CCM2: variants seen among roughly 807,000 people sequenced by gnomAD.
The protein encoded by CCM2 is CCM2 scaffold protein.
Under a neutral mutation model 44.9 loss-of-function variants are expected in CCM2, and 25 were observed. The observed-to-expected ratio is 0.56, with a 90% CI of 0.41 to 0.78. The LOEUF is 0.78. CCM2 is among the 30% of genes least tolerant of loss of function. The probability of loss-of-function intolerance (pLI) is 0.00; values close to 1 mark genes in which losing one functional copy is unlikely to be tolerated. For missense variants in CCM2, 481 were observed against 580.6 expected, an observed-to-expected ratio of 0.83 and a Z score of 1.76; for synonymous variants, 219 against 241.1, an observed-to-expected ratio of 0.91 and a Z score of 0.85.
At chr7:45,070,563 G>A (rs1583985656) in intron 6 of CCM2, 1 of 399,474 alleles carries the variant, frequency 2.5e-6, no homozygotes, top group East Asian at 7.9e-5. Context: ...TCATCAGCAA[G>A]CTCACTTGAG....
At chr7:45,010,872 T>C (rs911187526) in intron 1 of CCM2, among the ~76,000 whole-genome samples, 4 of 152,160 alleles carry the variant, frequency 2.6e-5, no homozygotes, top group Non-Finnish European at 4.4e-5. Flanking sequence ...TACTTTGTAT[T>C]TTGAAAAAGC....
chr7:45,069,846 C>G lies in CCM2; in HGVS notation c.630C>G (p.Cys210Trp). Residue 210 changes from cysteine (C) to tryptophan (W), a missense_variant, in exon 6 of 10, where the codon TGC becomes TGG. Physicochemically the swap from Cys to Trp is radical, Grantham distance 215. Coordinates refer to ENST00000258781, the MANE Select transcript of CCM2 (RefSeq NM_031443.4). ...AESKVAAEEL[C>W]CLLGQVFQVV... ...TGCAGGTCGCTGCGGAGGAGCTTTG[C>G]TGTCTGCTAGGCCAGGTCTTCCAGG... 1 of 1,614,218 alleles carries G rather than the reference C, an allele frequency of 6.2e-7. No homozygotes were observed. The highest frequency in any genetic ancestry group is 1.7e-5 in the Admixed American group (1 of 60,032).
intron 1 of CCM2, among the ~76,000 whole-genome samples, chr7:45,008,406 G>A (rs1458068648): frequency 1.4e-5 from 2 of 139,576 alleles, no homozygotes; most frequent in African/African-American, 2.8e-5. Context: ...CTCTTGCCCA[G>A]GCTGGAGTGC....
chr7:45,052,196 C>T (rs1040005094), intron 2 of CCM2, among the ~76,000 whole-genome samples: 1 of 152,154 alleles, frequency 6.6e-6, no homozygotes, highest in Non-Finnish European at 1.5e-5. Flanking sequence ...CTAATTTTTG[C>T]CAGAACAAGT....
chr7:45,037,951 C>T (rs1797303886), intron 1 of CCM2, among the ~76,000 whole-genome samples: 1 of 152,234 alleles, frequency 6.6e-6, no homozygotes. Context: ...TCTCCCCCTT[C>T]TATCATTGTC....
At chr7:45,040,960 A>G (rs1422816417) in intron 2 of CCM2, among the ~76,000 whole-genome samples, 1 of 152,240 alleles carries the variant, frequency 6.6e-6, no homozygotes, top group African/African-American at 2.4e-5. Context: ...CCTGCACTCC[A>G]GCCTAGGCGA....
In CCM2 at chr7:45,000,339, A is replaced by C; in HGVS notation, c.6A>C (p.Glu2Asp). The C allele has an allele frequency of 4.3e-5, 53 of 1,223,014 alleles. No homozygotes were observed. The highest frequency in any genetic ancestry group is 1.5e-4 in the Admixed American group (4 of 26,808). The allele number at this position is 1,223,014 out of a possible 1,614,324, so 75.8% of individuals were successfully genotyped here. A position where few individuals can be genotyped will look rare whatever the true frequency, so the allele number is the denominator to read the frequency against. M[E>D]EEGKKGKKPG... Reference sequence around the variant, plus strand: ...CGGGAGCCGCACGCGGCGATATGGAAGAGGAGGGCAAGAAGGGCAAGAAGG... The same window carrying C: ...CGGGAGCCGCACGCGGCGATATGGACGAGGAGGGCAAGAAGGGCAAGAAGG... Residue 2 changes from glutamate (E) to aspartate (D), a missense_variant, in exon 1 of 10, where the codon GAA becomes GAC. Glu to Asp is a conservative substitution (Grantham distance 45, BLOSUM62 2). Coordinates refer to ENST00000258781, the MANE Select transcript of CCM2 (RefSeq NM_031443.4).
intron 1 of CCM2, among the ~76,000 whole-genome samples, chr7:45,006,364 G>A (rs1026588346): frequency 6.6e-5 from 10 of 150,546 alleles, no homozygotes; most frequent in African/African-American, 2.2e-4. Flanking sequence ...TATTTTAGAC[G>A]GAGTCTTGTT....
chr7:45,021,551 G>A (rs1008844174), intron 1 of CCM2, among the ~76,000 whole-genome samples: 7 of 150,032 alleles, frequency 4.7e-5, no homozygotes, highest in Admixed American at 6.6e-5. Context: ...GCGACAGAGC[G>A]AGGCTCTTTC....
At chr7:45,057,509 GCT>G (rs1798321328) in intron 2 of CCM2, among the ~76,000 whole-genome samples, 1 of 152,142 alleles carries the variant, frequency 6.6e-6, no homozygotes, top group African/African-American at 2.4e-5. Flanking sequence ...TTTATATCAC[GCT>G]CTTTCCATGA....
At chr7:45,011,540 A>T (rs927582879) in intron 1 of CCM2, among the ~76,000 whole-genome samples, 4 of 150,882 alleles carry the variant, frequency 2.7e-5, no homozygotes, top group African/African-American at 9.7e-5. Flanking sequence ...TTATTTTTTA[A>T]TGGTTGCTTT....
intron 1 of CCM2, among the ~76,000 whole-genome samples, chr7:45,023,537 G>A (rs1796564017): frequency 6.6e-6 from 1 of 152,144 alleles, no homozygotes; most frequent in Non-Finnish European, 1.5e-5. Flanking sequence ...ATGACAGAGT[G>A]AGACTCCGTC....
intron 2 of CCM2, among the ~76,000 whole-genome samples, chr7:45,049,209 G>A (rs1174204609): frequency 2.0e-5 from 3 of 152,104 alleles, no homozygotes; most frequent in Non-Finnish European, 4.4e-5. Flanking sequence ...CTCCTGCCTC[G>A]GCTTCTCAAA....
intron 1 of CCM2, among the ~76,000 whole-genome samples, chr7:45,019,284 A>T (rs1796389799): frequency 1.3e-5 from 2 of 151,992 alleles, no homozygotes; most frequent in South Asian, 4.2e-4. Flanking sequence ...TATGTTGCTC[A>T]GGCTGGTCTT....
At chr7:45,070,869 C>A in intron 6 of CCM2, 1 of 156,534 alleles carries the variant, frequency 6.4e-6, no homozygotes, top group Non-Finnish European at 1.4e-5. Flanking sequence ...GGAGATAAGT[C>A]CCAGCCCTCT....
rs530897879 is a variant in CCM2, at chr7:45,055,473, G to A, written c.205-8445G>A. Among the ~76,000 whole-genome samples, 171 of 152,256 alleles carry A rather than the reference G, an allele frequency of 1.1e-3. 1 individual carries two copies. Among genetic ancestry groups the A allele is most frequent in the African/African-American group, 3.9e-3 (161 of 41,536 alleles). ...GGAGGCTAAGGCGGGTGGATCACGA[G>A]GTCAGGAGTTCAAGACCAGCCTGGC... On this transcript the variant is annotated intron_variant, in intron 2 of 9. Transcript: ENST00000258781.
In CCM2 at chr7:45,076,355, C is replaced by T. The variant is rs369626532; in HGVS notation, c.*298C>T. On this transcript the variant is annotated 3_prime_UTR_variant, in exon 10 of 10. Transcript: ENST00000258781. Reference sequence around the variant, plus strand: ...AGCGGGCAGGGAGAGCCAGTCCTGTCGGCTGGGCCCTTGGACGGCTGTCAG... The same window carrying T: ...AGCGGGCAGGGAGAGCCAGTCCTGTTGGCTGGGCCCTTGGACGGCTGTCAG... 193 of 581,686 alleles carry T rather than the reference C, an allele frequency of 3.3e-4. 2 individuals are homozygous for T. Among genetic ancestry groups the T allele is most frequent in the African/African-American group, 3.1e-3 (170 of 54,154 alleles). The allele number at this position is 581,686 out of a possible 1,614,324, so 36.0% of individuals were successfully genotyped here. A position where few individuals can be genotyped will look rare whatever the true frequency, so the allele number is the denominator to read the frequency against.
chr7:45,027,068 GTGC>G (rs771598242), intron 1 of CCM2: 12 of 157,608 alleles, frequency 7.6e-5, no homozygotes, highest in Non-Finnish European at 1.6e-4. Context: ...TAATTTCAAA[GTGC>G]TGCTGACTCA....
At chr7:45,062,413 C>T (rs1411564854) in intron 2 of CCM2, among the ~76,000 whole-genome samples, 2 of 152,184 alleles carry the variant, frequency 1.3e-5, no homozygotes, top group East Asian at 3.9e-4. Context: ...CCTTCTACAC[C>T]TGAGGCCCTG....
Sources: gnomAD v4.1 joint callset for allele counts (sites outside exome capture counted in the v4.1 genomes callset) on GRCh38, gnomAD v4.1.1 for gene constraint, MANE v1.5 for transcripts, NCBI Gene and HGNC (gene_info 2026-07-23, HGNC 2026-07-21) for gene names.